Variants in ZNF761 observed in about 807,000 individuals in gnomAD.
ZNF761 encodes the protein zinc finger protein 761.
In ZNF761, 43 loss-of-function variants were observed where a neutral mutation model predicts 59.9. That is an observed-to-expected ratio of 0.72 (90% CI 0.56 to 0.92). The LOEUF is 0.92. Ranked by LOEUF, ZNF761 falls within the 40% of genes least tolerant of loss-of-function variation. ZNF761 has a pLI of 0.00. For missense variants in ZNF761, 850 were observed against 906.1 expected (o/e 0.94, Z 0.79); for synonymous variants, 294 against 304.8 (o/e 0.96, Z 0.37).
chr19:53,454,339 A>T (rs576485632), intron 4 of ZNF761, among the ~76,000 whole-genome samples: 2 of 152,302 alleles, frequency 1.3e-5, no homozygotes, highest in South Asian at 2.1e-4. Context: ...TATGACAGTG[A>T]TATGTTTTTT....
intron 1 of ZNF761, among the ~76,000 whole-genome samples, chr19:53,436,778 C>A (rs1396467822): frequency 1.3e-5 from 2 of 152,196 alleles, no homozygotes; most frequent in African/African-American, 4.8e-5. Flanking sequence ...TCACTTCTTG[C>A]ACTTTTCCCC....
Position 53,438,171 on chromosome 19 carries a change from G to A in ZNF761, c.-185+6143G>A, listed in dbSNP as rs541070809. 1.7e-4 allele frequency among the ~76,000 whole-genome samples: 24 copies of A among 142,128 alleles called. No homozygotes were observed. The South Asian group carries it at 5.4e-3, about 32-fold the overall frequency. The allele number at this position is 142,128 out of a possible 152,430, so 93.2% of individuals were successfully genotyped here. ...GTTTAGTGTTCTAAAGTTGTGTAAG[G>A]GTTTTCACATAGAAGCCCTTGGTAC... On this transcript the variant is annotated intron_variant, in intron 1 of 4. Coordinates refer to ENST00000684525, the MANE Select transcript of ZNF761 (RefSeq NM_001289951.2).
At chr19:53,447,700 A>G (rs1041449408) in intron 3 of ZNF761, among the ~76,000 whole-genome samples, 7 of 152,202 alleles carry the variant, frequency 4.6e-5, no homozygotes, top group Non-Finnish European at 8.8e-5. Flanking sequence ...GGTGACCAAG[A>G]TCGAGAAATG....
Position 53,456,214 on chromosome 19 carries a change from T to G in ZNF761, c.1707T>G (p.Arg569=). 6.2e-7 allele frequency: 1 copy of G among 1,613,902 alleles called. No homozygotes were observed. The highest frequency in any genetic ancestry group is 8.5e-7 in the Non-Finnish European group (1 of 1,179,952). ...FNQQLTLKRH[R]RLHSGENPYK... is the part of the protein sequence containing the mutation. ...AGCAGTTAACCCTTAAACGCCATCG[T>G]AGACTTCATAGTGGAGAGAACCCTT... The change falls in exon 5 of 5, where the codon CGT becomes CGG. Residue 569 remains arginine, a synonymous_variant. Transcript: ENST00000684525.
rs140310432 is a variant in ZNF761, at chr19:53,455,689, G to A, written c.1182G>A (p.Lys394=). 7.8e-4 allele frequency: 1,258 copies of A among 1,612,254 alleles called. 16 individuals are homozygous for A. Among genetic ancestry groups the A allele is most frequent in the Non-Finnish European group, 1.4e-4 (168 of 1,179,712 alleles). Residue 394 remains lysine, a synonymous_variant, in exon 5 of 5, where the codon AAG becomes AAA. Coordinates refer to ENST00000684525, the MANE Select transcript of ZNF761 (RefSeq NM_001289951.2). ...CNECGKTFSH[K]SSLTCHRRLH... Reference sequence around the variant, plus strand: ...AGTGTGGCAAGACCTTTAGTCACAAGTCATCCCTTACATGCCATCGTAGAC... The same window carrying A: ...AGTGTGGCAAGACCTTTAGTCACAAATCATCCCTTACATGCCATCGTAGAC...
In ZNF761 at chr19:53,454,611, G is replaced by A. The variant is rs148293146; in HGVS notation, c.143-39G>A. Reference sequence around the variant, plus strand: ...CACATTTCAGCATTATTTACCATCTGTACTTAATTTGAAAGCTTTCGGTGT... The same window carrying A: ...CACATTTCAGCATTATTTACCATCTATACTTAATTTGAAAGCTTTCGGTGT... On this transcript the variant is annotated intron_variant, in intron 4 of 4. Coordinates refer to ENST00000684525, the MANE Select transcript of ZNF761 (RefSeq NM_001289951.2). 4.1e-4 allele frequency: 635 copies of A among 1,534,906 alleles called. 3 individuals carry two copies. The African/African-American group carries it at 8.0e-3, about 19-fold the overall frequency.
chr19:53,455,923 C>A lies in ZNF761; in HGVS notation c.1416C>A (p.Asp472Glu), dbSNP rs1293103577. Reference protein sequence around the residue: ...GEQPYKCEECDKAFRFKSNLE... With the variant: ...GEQPYKCEECEKAFRFKSNLE... ...AACCTTACAAATGTGAAGAATGTGA[C>A]AAAGCTTTCCGTTTCAAATCAAACC... Residue 472 changes from aspartate to glutamate, a missense_variant, in exon 5 of 5, where the codon GAC (aspartate) becomes GAA (glutamate). Transcript: ENST00000684525. 6 of 1,613,822 alleles carry A rather than the reference C, an allele frequency of 3.7e-6. No homozygotes were observed. Among genetic ancestry groups the A allele is most frequent in the Non-Finnish European group, 4.2e-6 (5 of 1,179,894 alleles).
At chr19:53,450,142 A>C (rs2086206597) in intron 4 of ZNF761, 2 of 238,072 alleles carry the variant, frequency 8.4e-6, no homozygotes, top group Non-Finnish European at 1.6e-5. Flanking sequence ...GTCTCTACTA[A>C]AAATAGAAAA....
rs768848287 is a variant in ZNF761, at chr19:53,455,073, CT to C, written c.567del (p.Asn190IlefsTer21). ...RISCRPKTHI[S>X]NNHGNNFWNS... is the part of the protein sequence containing the mutation. ...TCTTGTAGGCCCAAAACCCATATAT[CT>C]AATAACCATGGGAATAATTTCTGGA... On this transcript the variant is annotated frameshift_variant, in exon 5 of 5. Transcript: ENST00000684525. LOFTEE classifies it high-confidence loss of function. 2 of 1,614,116 alleles carry C rather than the reference CT, an allele frequency of 1.2e-6. No homozygotes were observed. Among genetic ancestry groups the C allele is most frequent in the Non-Finnish European group, 1.7e-6 (2 of 1,180,008 alleles).
At chr19:53,452,258 A>G (rs1448405217) in intron 4 of ZNF761, among the ~76,000 whole-genome samples, 1 of 152,130 alleles carries the variant, frequency 6.6e-6, no homozygotes, top group East Asian at 1.9e-4. Context: ...TGAGAGGGGC[A>G]GATCACCTGA....
In ZNF761 at chr19:53,454,947, A is replaced by C; in HGVS notation, c.440A>C (p.His147Pro). The C allele has an allele frequency of 6.2e-7, 1 of 1,614,184 alleles. No individual in the cohort carries two copies. Among genetic ancestry groups the C allele is most frequent in the Middle Eastern group, 1.6e-4 (1 of 6,062 alleles). The change falls in exon 5 of 5, where the codon CAT becomes CCT. Residue 147 changes from histidine to proline, a missense_variant. Coordinates refer to ENST00000684525, the MANE Select transcript of ZNF761 (RefSeq NM_001289951.2). ...KDQLGSSFHS[H>P]LPEMHIFQTE... ...CAGCTTGGATCAAGCTTTCATTCGC[A>C]TCTGCCTGAAATGCACATATTTCAG... is the stretch of plus-strand genomic sequence containing the variant.
rs780041357 is a variant in ZNF761, at chr19:53,456,254, A to T, written c.1747A>T (p.Ser583Cys). 6.2e-7 allele frequency: 1 copy of T among 1,613,126 alleles called. No individual in the cohort carries two copies. Among genetic ancestry groups the T allele is most frequent in the Non-Finnish European group, 8.5e-7 (1 of 1,179,822 alleles). The change falls in exon 5 of 5, where the codon AGT becomes TGT. Residue 583 changes from serine (S) to cysteine (C), a missense_variant. Physicochemically the swap from Ser to Cys is moderately radical, Grantham distance 112. Coordinates refer to ENST00000684525, the MANE Select transcript of ZNF761 (RefSeq NM_001289951.2). The part of the protein sequence containing the change: ...SGENPYKCED[S>C]DKAYSFKSNL... ...AGAGAACCCTTACAAATGTGAAGAT[A>T]GTGACAAAGCTTACAGTTTCAAATC...
chr19:53,433,461 C>CAACAGCGTTATCTTGTAACTGTTCTCT (rs1555835656), intron 1 of ZNF761, among the ~76,000 whole-genome samples: 6 of 143,490 alleles, frequency 4.2e-5, no homozygotes, highest in African/African-American at 1.6e-4. Flanking sequence ...TCGACTTCGC[C>CAACAGCGTTATCTTGTAACTGTTCTCT]AAGTCGAGCT....
In ZNF761 at chr19:53,457,162, G is replaced by T; in HGVS notation, c.*414G>T. The T allele has an allele frequency of 2.0e-6, 1 of 510,982 alleles. No homozygotes were observed. Among genetic ancestry groups the T allele is most frequent in the Non-Finnish European group, 3.9e-6 (1 of 257,844 alleles). The allele number at this position is 510,982 out of a possible 1,614,324, so 31.7% of individuals were successfully genotyped here. A position where few individuals can be genotyped will look rare whatever the true frequency, so the allele number is the denominator to read the frequency against. On this transcript the variant is annotated 3_prime_UTR_variant, in exon 5 of 5. Coordinates refer to ENST00000684525, the MANE Select transcript of ZNF761 (RefSeq NM_001289951.2). ...CATGGTGTAGGGAAACTTTACTAAG[G>T]TAATGATTGTCACAAAGTCTTCAGT...
In ZNF761 at chr19:53,450,063, G is replaced by A. The variant is rs568312287; in HGVS notation, c.142+425G>A. On this transcript the variant is annotated intron_variant, in intron 4 of 4. Coordinates refer to ENST00000684525, the MANE Select transcript of ZNF761 (RefSeq NM_001289951.2). Reference sequence around the variant, plus strand: ...CTCACGCCTGTAATCCCAGCACTTTGGGAGGCCAAGGTGGGTGGATCACGA... The same window carrying A: ...CTCACGCCTGTAATCCCAGCACTTTAGGAGGCCAAGGTGGGTGGATCACGA... 10 of 369,326 alleles carry A rather than the reference G, an allele frequency of 2.7e-5. No individual in the cohort carries two copies. In the South Asian group the frequency reaches 9.0e-4, roughly 33 times the overall value. The allele number at this position is 369,326 out of a possible 1,614,324, so 22.9% of individuals were successfully genotyped here.
intron 1 of ZNF761, among the ~76,000 whole-genome samples, chr19:53,435,289 CTTTTTTTTTTTTTTTTTTTT>C (rs368157010): frequency 1.9e-5 from 1 of 53,590 alleles, no homozygotes; most frequent in African/African-American, 8.1e-5. Flanking sequence ...AATACAAGTC[CTTTTTTTTTTTTTTTTTTTT>C]TTTTTTTTTT....
intron 4 of ZNF761, chr19:53,449,956 G>A: frequency 1.9e-6 from 1 of 513,904 alleles, no homozygotes; most frequent in Non-Finnish European, 3.3e-6. Flanking sequence ...CCAAGTAGCT[G>A]AGATTACAGG....
rs993031451 is a variant in ZNF761, at chr19:53,449,939, C to T, written c.142+301C>T. Reference sequence around the variant, plus strand: ...TCTCCTGAGCTCAAGAGATCCTCCTCAGTCTCCCAAGTAGCTGAGATTACA... The same window carrying T: ...TCTCCTGAGCTCAAGAGATCCTCCTTAGTCTCCCAAGTAGCTGAGATTACA... On this transcript the variant is annotated intron_variant, in intron 4 of 4. Transcript: ENST00000684525. 1.4e-5 allele frequency: 8 copies of T among 559,294 alleles called. No individual in the cohort carries two copies. The Admixed American group carries it at 1.4e-4, about 10-fold the overall frequency. 34.6% of individuals were successfully genotyped at this position (559,294 alleles called of 1,614,324 possible).
chr19:53,458,095 TGTTA>T lies in ZNF761; in HGVS notation c.*1348_*1351del, dbSNP rs2086287376. 6.6e-6 allele frequency: 1 copy of T among 152,380 alleles called. No homozygotes were observed. Among genetic ancestry groups the T allele is most frequent in the Non-Finnish European group, 1.5e-5 (1 of 68,164 alleles). The allele number at this position is 152,380 out of a possible 1,614,324, so 9.4% of individuals were successfully genotyped here. On this transcript the variant is annotated 3_prime_UTR_variant, in exon 5 of 5. Transcript: ENST00000684525. ...AAAATTTTCTTTTAAAATTGTTTAT[TGTTA>T]AAGTATGGAAATTCAACTAATTTTT...
Sources: gnomAD v4.1 joint callset for allele counts (sites outside exome capture counted in the v4.1 genomes callset) on GRCh38, gnomAD v4.1.1 for gene constraint, MANE v1.5 for transcripts, NCBI Gene and HGNC (gene_info 2026-07-23, HGNC 2026-07-21) for gene names.